OPCML: variants seen among roughly 807,000 people sequenced by gnomAD.
The protein encoded by OPCML is opioid binding protein/cell adhesion molecule like.
OPCML carries 13 observed loss-of-function variants against 37.8 expected under a neutral mutation model. The ratio of observed to expected loss-of-function variants is 0.34; its 90% CI spans 0.22 to 0.55. The LOEUF (loss-of-function observed/expected upper bound fraction) is 0.55, where lower values mean the gene tolerates loss of function less well. Ranked by LOEUF, OPCML falls within the 20% of genes least tolerant of loss-of-function variation. OPCML has a pLI of 0.91. For missense variants in OPCML, 341 were observed against 435.6 expected, an observed-to-expected ratio of 0.78 and a Z score of 1.93; for synonymous variants, 176 against 168.8, an observed-to-expected ratio of 1.04 and a Z score of -0.33.
intron 2 of OPCML, among the ~76,000 whole-genome samples, chr11:132,756,534 C>T (rs2136083822): frequency 6.6e-6 from 1 of 152,250 alleles, no homozygotes; most frequent in East Asian, 1.9e-4. Context: ...AGGAGAGCTC[C>T]TAAAAGAGTA....
intron 4 of OPCML, among the ~76,000 whole-genome samples, chr11:132,490,078 T>C (rs1184994942): frequency 6.6e-6 from 1 of 152,062 alleles, no homozygotes; most frequent in Admixed American, 6.5e-5. Flanking sequence ...ATTTTCTTTA[T>C]CCAGTCTATC....
chr11:133,154,065 G>A (rs1445822718), intron 1 of OPCML, among the ~76,000 whole-genome samples: 1 of 152,054 alleles, frequency 6.6e-6, no homozygotes, highest in Non-Finnish European at 1.5e-5. Flanking sequence ...ACCCTGCAGA[G>A]AGGGTGAATA....
chr11:132,756,415 T>C (rs1436075791), intron 2 of OPCML, among the ~76,000 whole-genome samples: 2 of 152,198 alleles, frequency 1.3e-5, no homozygotes, highest in African/African-American at 4.8e-5. Flanking sequence ...ATGATGAGCA[T>C]GTAAATTATC....
intron 1 of OPCML, among the ~76,000 whole-genome samples, chr11:132,984,130 C>A (rs1404690165): frequency 6.6e-6 from 1 of 152,144 alleles, no homozygotes; most frequent in East Asian, 1.9e-4. Context: ...TTTCCCAAGG[C>A]CAGAAAGCTT....
chr11:132,653,121 T>C (rs1941514597), intron 3 of OPCML, among the ~76,000 whole-genome samples: 1 of 152,218 alleles, frequency 6.6e-6, no homozygotes, highest in South Asian at 2.1e-4. Context: ...AATGTTTGTG[T>C]GTTGTTTATC....
At position 132,475,657 on chromosome 11, in the gene OPCML, G is replaced by A. The variant is rs377216906; in HGVS notation, c.506-38298C>T. 1.3e-4 allele frequency among the ~76,000 whole-genome samples: 20 copies of A among 152,044 alleles called. 2 individuals carry two copies. The highest frequency in any genetic ancestry group is 6.2e-4 in the South Asian group (3 of 4,822). Reference sequence around the variant, plus strand: ...CTCAAAGAAAACCAGGCCTGCATGCGCCTTGCACTTGAACTTCCAGCCTCC... The same window carrying A: ...CTCAAAGAAAACCAGGCCTGCATGCACCTTGCACTTGAACTTCCAGCCTCC... On this transcript the variant is annotated intron_variant, in intron 4 of 7. Coordinates refer to ENST00000524381, the MANE Select transcript of OPCML (RefSeq NM_001012393.5).
chr11:133,241,985 A>T (rs1940749597), intron 1 of OPCML, among the ~76,000 whole-genome samples: 1 of 152,200 alleles, frequency 6.6e-6, no homozygotes. Context: ...CTTTTTCTGC[A>T]ATCTTTTAGA....
At chr11:133,449,842 G>A (rs112921537) in intron 1 of OPCML, among the ~76,000 whole-genome samples, 1,549 of 151,528 alleles carry the variant, frequency 0.01, 74 homozygotes, top group African/African-American at 0.035. Flanking sequence ...GCATTTTGTC[G>A]GGGGGCCACA....
chr11:132,766,955 TATG>T (rs1311644242), intron 2 of OPCML, among the ~76,000 whole-genome samples: 3 of 152,228 alleles, frequency 2.0e-5, no homozygotes, highest in African/African-American at 7.2e-5. Context: ...AGAAAAGGGT[TATG>T]ATGTTTGCAG....
intron 4 of OPCML, among the ~76,000 whole-genome samples, chr11:132,472,194 T>G (rs924573323): frequency 6.6e-6 from 1 of 152,242 alleles, no homozygotes; most frequent in African/African-American, 2.4e-5. Context: ...TGAAAGTCAT[T>G]GCAACATGTG....
intron 1 of OPCML, among the ~76,000 whole-genome samples, chr11:132,983,642 C>A (rs918160383): frequency 2.0e-5 from 3 of 152,192 alleles, no homozygotes; most frequent in Non-Finnish European, 4.4e-5. Flanking sequence ...GTAGCTCAAG[C>A]ACTTTGAGAG....
chr11:132,713,713 T>C (rs1298750881), intron 2 of OPCML, among the ~76,000 whole-genome samples: 1 of 152,196 alleles, frequency 6.6e-6, no homozygotes, highest in Non-Finnish European at 1.5e-5. Context: ...GGTCAACAGC[T>C]AAGCCCATGA....
intron 1 of OPCML, chr11:133,003,662 A>T: frequency 5.1e-6 from 5 of 985,448 alleles, no homozygotes; most frequent in Non-Finnish European, 6.0e-6. Flanking sequence ...CATACTAAAA[A>T]AACAAACAAA....
intron 1 of OPCML, among the ~76,000 whole-genome samples, chr11:133,456,798 C>T (rs1454210138): frequency 6.7e-6 from 1 of 149,344 alleles, no homozygotes; most frequent in Non-Finnish European, 1.5e-5. Context: ...AAAAAAAATT[C>T]ACTGAACTTC....
intron 1 of OPCML, among the ~76,000 whole-genome samples, chr11:133,035,364 G>T (rs183135895): frequency 9.7e-4 from 148 of 152,282 alleles, no homozygotes; most frequent in Non-Finnish European, 1.7e-3. Flanking sequence ...TTGGATCAAG[G>T]CTGCAGAGAA....
chr11:133,180,494 C>T (rs1254131264), intron 1 of OPCML, among the ~76,000 whole-genome samples: 1 of 152,168 alleles, frequency 6.6e-6, no homozygotes. Context: ...TTCATGGAAA[C>T]AGCCTGCAAG....
At chr11:132,528,021 T>C (rs2096313290) in intron 4 of OPCML, among the ~76,000 whole-genome samples, 1 of 152,162 alleles carries the variant, frequency 6.6e-6, no homozygotes, top group African/African-American at 2.4e-5. Context: ...CTCAGACTCT[T>C]GAAAGGAACC....
At chr11:133,199,756 C>G (rs888464713) in intron 1 of OPCML, among the ~76,000 whole-genome samples, 1 of 152,212 alleles carries the variant, frequency 6.6e-6, no homozygotes, top group African/African-American at 2.4e-5. Context: ...ACCAACACCT[C>G]ATACTGCAGT....
At chr11:133,162,737 G>A (rs968241913) in intron 1 of OPCML, among the ~76,000 whole-genome samples, 6 of 152,282 alleles carry the variant, frequency 3.9e-5, no homozygotes, top group Admixed American at 2.6e-4. Flanking sequence ...AGAGGCTAGC[G>A]TGTTTCCCCT....
Sources: allele counts gnomAD v4.1 joint callset (sites outside exome capture counted in the v4.1 genomes callset), GRCh38; gene constraint gnomAD v4.1.1; transcripts MANE v1.5; gene names NCBI Gene and HGNC (gene_info 2026-07-23, HGNC 2026-07-21).